Variants in NR3C2 observed in about 807,000 individuals in gnomAD.
NR3C2 encodes nuclear receptor subfamily 3 group C member 2.
Under a neutral mutation model 86.4 loss-of-function variants are expected in NR3C2, and 15 were observed. The ratio of observed to expected loss-of-function variants is 0.17; its 90% confidence interval spans 0.12 to 0.27. The LOEUF (loss-of-function observed/expected upper bound fraction) is 0.27. Among genes scored for constraint, NR3C2 ranks in the 10% least tolerant of loss-of-function variants. The pLI is 1.00. For missense variants in NR3C2, 960 were observed against 1,195.6 expected, an observed-to-expected ratio of 0.80 and a Z score of 2.91; for synonymous variants, 458 against 450.5, an observed-to-expected ratio of 1.02 and a Z score of -0.21.
chr4:148,442,513 G>A, upstream of NR3C2: 2 of 355,842 alleles, frequency 5.6e-6, no homozygotes, highest in Non-Finnish European at 7.9e-6. Context: ...TGGAGGGCTG[G>A]CCCTTTTAAA....
At chr4:148,119,908 C>T (rs184931172) in intron 7 of NR3C2, among the ~76,000 whole-genome samples, 2 of 152,250 alleles carry the variant, frequency 1.3e-5, no homozygotes, top group African/African-American at 4.8e-5. Flanking sequence ...ATAACAGATA[C>T]TTTATAAACA....
Position 148,329,951 on chromosome 4 carries a change from T to A in NR3C2, c.1758-69834A>T, listed in dbSNP as rs530706991. ...CTCTAATCACTTGAGCAGTTCCATG[T>A]CTGGCCAATGATCCCCTGGTATCTA... On this transcript the variant is annotated intron_variant, in intron 2 of 8. Coordinates refer to ENST00000358102, the MANE Select transcript of NR3C2 (RefSeq NM_000901.5). 7.9e-5 allele frequency among the ~76,000 whole-genome samples: 12 copies of A among 152,342 alleles called. No homozygotes were observed. In the East Asian group the frequency reaches 1.7e-3, roughly 22 times the overall value.
At chr4:148,165,949 C>T (rs1454338432) in intron 4 of NR3C2, among the ~76,000 whole-genome samples, 1 of 152,130 alleles carries the variant, frequency 6.6e-6, no homozygotes, top group African/African-American at 2.4e-5. Flanking sequence ...TAACAGGATG[C>T]CATGCAAGTT....
intron 2 of NR3C2, among the ~76,000 whole-genome samples, chr4:148,321,765 T>C (rs1743608861): frequency 6.6e-6 from 1 of 152,216 alleles, no homozygotes; most frequent in African/African-American, 2.4e-5. Flanking sequence ...TTTGAGCCTA[T>C]GTGTGTCTCT....
intron 2 of NR3C2, among the ~76,000 whole-genome samples, chr4:148,421,428 T>C (rs1038303243): frequency 1.3e-5 from 2 of 152,232 alleles, no homozygotes; most frequent in African/African-American, 2.4e-5. Context: ...TAGTCTTTCT[T>C]TCTTCTCTTA....
chr4:148,302,499 C>T (rs1367939168), intron 2 of NR3C2, among the ~76,000 whole-genome samples: 1 of 152,148 alleles, frequency 6.6e-6, no homozygotes, highest in Admixed American at 6.6e-5. Flanking sequence ...CTTATGGCAA[C>T]ATAGTTGTTT....
At chr4:148,399,551 G>A (rs1172293978) in intron 2 of NR3C2, among the ~76,000 whole-genome samples, 2 of 151,726 alleles carry the variant, frequency 1.3e-5, no homozygotes, top group African/African-American at 2.4e-5. Context: ...GAAATACTAA[G>A]AGAAAATAAA....
chr4:148,204,537 C>A (rs1171452953), intron 3 of NR3C2, among the ~76,000 whole-genome samples: 1 of 152,058 alleles, frequency 6.6e-6, no homozygotes. Flanking sequence ...AAGACAAATT[C>A]GGAGTGGTAA....
intron 8 of NR3C2, among the ~76,000 whole-genome samples, chr4:148,099,635 T>C (rs1731444878): frequency 6.6e-6 from 1 of 152,212 alleles, no homozygotes; most frequent in Admixed American, 6.5e-5. Context: ...AAGGATTTAA[T>C]GACAGGACTT....
chr4:148,378,962 C>T (rs1265871180), intron 2 of NR3C2, among the ~76,000 whole-genome samples: 3 of 152,046 alleles, frequency 2.0e-5, no homozygotes, highest in Non-Finnish European at 4.4e-5. Flanking sequence ...TATTATATAG[C>T]AATGAAAACA....
intron 2 of NR3C2, among the ~76,000 whole-genome samples, chr4:148,317,908 G>A (rs1357161460): frequency 6.0e-5 from 9 of 150,664 alleles, no homozygotes; most frequent in Admixed American, 6.0e-4. Context: ...AAGTTTTAGG[G>A]TACATGTGCA....
intron 4 of NR3C2, among the ~76,000 whole-genome samples, chr4:148,181,558 G>A (rs1297205883): frequency 6.6e-6 from 1 of 152,148 alleles, no homozygotes; most frequent in Non-Finnish European, 1.5e-5. Context: ...GCTCTAAAAG[G>A]CATGTATAGA....
At chr4:148,230,925 G>A (rs948731810) in intron 3 of NR3C2, among the ~76,000 whole-genome samples, 11 of 152,244 alleles carry the variant, frequency 7.2e-5, no homozygotes, top group Admixed American at 2.6e-4. Context: ...CCAAATTTAA[G>A]TATCGATTAC....
intron 2 of NR3C2, among the ~76,000 whole-genome samples, chr4:148,302,247 A>G (rs1011192270): frequency 6.6e-6 from 1 of 152,212 alleles, no homozygotes; most frequent in African/African-American, 2.4e-5. Context: ...ATGTTCATGA[A>G]TATCAAGCAA....
At chr4:148,325,091 A>C (rs1265851396) in intron 2 of NR3C2, among the ~76,000 whole-genome samples, 1 of 151,988 alleles carries the variant, frequency 6.6e-6, no homozygotes, top group African/African-American at 2.4e-5. Context: ...ATAACTAAGC[A>C]AGGAGCATAG....
intron 2 of NR3C2, among the ~76,000 whole-genome samples, chr4:148,307,020 G>A (rs949710387): frequency 6.6e-6 from 1 of 151,908 alleles, no homozygotes; most frequent in African/African-American, 2.4e-5. Flanking sequence ...TAAGAGGAAA[G>A]GCTTTCTCTC....
chr4:148,317,092 C>G (rs909347091), intron 2 of NR3C2, among the ~76,000 whole-genome samples: 76 of 152,252 alleles, frequency 5.0e-4, no homozygotes, highest in African/African-American at 1.8e-3. Context: ...TGTGCCCAGG[C>G]CACCATCAGT....
intron 2 of NR3C2, among the ~76,000 whole-genome samples, chr4:148,411,824 T>C (rs1748719907): frequency 6.6e-6 from 1 of 152,170 alleles, no homozygotes; most frequent in African/African-American, 2.4e-5. Context: ...TAGTTTTCCT[T>C]TATCTTGCTT....
At chr4:148,204,544 GT>G (rs1302878343) in intron 3 of NR3C2, among the ~76,000 whole-genome samples, 1 of 152,102 alleles carries the variant, frequency 6.6e-6, no homozygotes, top group African/African-American at 2.4e-5. Context: ...ATTCGGAGTG[GT>G]AAAATTATGT....
Sources: allele counts gnomAD v4.1 joint callset (sites outside exome capture counted in the v4.1 genomes callset), GRCh38; gene constraint gnomAD v4.1.1; transcripts MANE v1.5; gene names NCBI Gene and HGNC (gene_info 2026-07-23, HGNC 2026-07-21).